Variants in ALX4 observed in about 807,000 individuals in gnomAD.
ALX4 encodes homeobox protein aristaless-like 4.
A neutral mutation model predicts 40.6 loss-of-function variants in ALX4; 22 were observed. The ratio of observed to expected loss-of-function variants is 0.54; its 90% CI spans 0.39 to 0.77. The LOEUF (loss-of-function observed/expected upper bound fraction) is 0.77, where lower values mean the gene tolerates loss of function less well. Among genes scored for constraint, ALX4 ranks in the 30% least tolerant of loss-of-function variants. The pLI, the probability that ALX4 is intolerant of heterozygous loss-of-function variation, is 0.00. For missense variants in ALX4, 556 were observed against 564.8 expected, an observed-to-expected ratio of 0.98 and a Z score of 0.16; for synonymous variants, 266 against 240.5, an observed-to-expected ratio of 1.11 and a Z score of -0.98.
In ALX4 at chr11:44,310,096, A is replaced by AGCGAGGGC; in HGVS notation, c.-42_-35dup. ...TGCGCAGGCGGCGGGCGGGGACGCG[A>AGCGAGGGC]GCGAGGGCGCGAGGACGCCACCGCG... On this transcript the variant is annotated 5_prime_UTR_variant, in exon 1 of 4. Transcript: ENST00000652299. 1.3e-6 allele frequency: 2 copies of AGCGAGGGC among 1,549,526 alleles called. No homozygotes were observed. The highest frequency in any genetic ancestry group is 1.7e-6 in the Non-Finnish European group (2 of 1,145,084).
Position 44,264,741 on chromosome 11 carries a change from C to T in ALX4, c.*113G>A. 1.6e-6 allele frequency: 2 copies of T among 1,238,524 alleles called. No homozygotes were observed. The highest frequency in any genetic ancestry group is 2.2e-6 in the Non-Finnish European group (2 of 889,306). The allele number at this position is 1,238,524 out of a possible 1,614,324, so 76.7% of individuals were successfully genotyped here. A position where few individuals can be genotyped will look rare whatever the true frequency, so the allele number is the denominator to read the frequency against. ...GCGGCTGAAAGTGCTGAGGGTCAGG[C>T]CCCTGGCCCAGGCCAGGTTCCTAAG... is the stretch of plus-strand genomic sequence containing the variant. On this transcript the variant is annotated 3_prime_UTR_variant, in exon 4 of 4. Transcript: ENST00000652299.
chr11:44,299,394 T>C (rs1956422431), intron 1 of ALX4, among the ~76,000 whole-genome samples: 1 of 142,426 alleles, frequency 7.0e-6, no homozygotes. Context: ...TGGATCTTGC[T>C]CTGTCACCCA....
chr11:44,293,222 G>T (rs1034962643), intron 1 of ALX4, among the ~76,000 whole-genome samples: 2 of 150,800 alleles, frequency 1.3e-5, no homozygotes, highest in Non-Finnish European at 3.0e-5. Context: ...GAAGAAAATG[G>T]TTTTTTCATT....
At chr11:44,286,035 G>A (rs1477039211) in intron 1 of ALX4, among the ~76,000 whole-genome samples, 2 of 152,372 alleles carry the variant, frequency 1.3e-5, no homozygotes, top group Middle Eastern at 3.4e-3. Flanking sequence ...GGCTGGGGCA[G>A]CTCTGCAGGC....
In ALX4 at chr11:44,291,849, C is replaced by T. The variant is rs1395419918; in HGVS notation, c.467-16191G>A. ...GTATTTATTTATAGAGACGGAGTCT[C>T]GCTCTGTCACCCAGGCTGGAGTGCA... On this transcript the variant is annotated intron_variant, in intron 1 of 3. Coordinates refer to ENST00000652299, the MANE Select transcript of ALX4 (RefSeq NM_021926.4). 2.0e-5 allele frequency among the ~76,000 whole-genome samples: 3 copies of T among 152,078 alleles called. 1 individual carries two copies. Among genetic ancestry groups the T allele is most frequent in the Middle Eastern group, 6.3e-3 (2 of 316 alleles).
intron 1 of ALX4, among the ~76,000 whole-genome samples, chr11:44,305,017 G>A (rs147423400): frequency 2.0e-4 from 31 of 152,316 alleles, no homozygotes; most frequent in African/African-American, 7.5e-4. Flanking sequence ...CTGCTGTCAG[G>A]AACAAAATGG....
At chr11:44,287,532 G>A (rs774728877) in intron 1 of ALX4, among the ~76,000 whole-genome samples, 14 of 151,750 alleles carry the variant, frequency 9.2e-5, no homozygotes, top group East Asian at 1.9e-4. Context: ...GGAGGCCGAG[G>A]TGGGAGAGTC....
rs1956496591 is a variant in ALX4, at chr11:44,309,831, C to T, written c.232G>A (p.Glu78Lys). 6.4e-7 allele frequency: 1 copy of T among 1,554,560 alleles called. No homozygotes were observed. The highest frequency in any genetic ancestry group is 8.7e-7 in the Non-Finnish European group (1 of 1,148,804). ...GAGCCCCGCGCCCCAGCTCCACTCTCCAGGGGTGTCGCCAGGTCCTGCTGC... is the reference window on the plus strand; with the variant it reads ...GAGCCCCGCGCCCCAGCTCCACTCTTCAGGGGTGTCGCCAGGTCCTGCTGC... ...AGQQDLATPL[E>K]SGAGARGSFN... Residue 78 changes from glutamate (E) to lysine (K), a missense_variant, in exon 1 of 4, where the codon GAG becomes AAG. Transcript: ENST00000652299.
chr11:44,296,476 A>G (rs1189701671), intron 1 of ALX4, among the ~76,000 whole-genome samples: 1 of 152,252 alleles, frequency 6.6e-6, no homozygotes, highest in Non-Finnish European at 1.5e-5. Flanking sequence ...ATCAAAATGT[A>G]AAACTTCTGT....
intron 1 of ALX4, among the ~76,000 whole-genome samples, chr11:44,298,760 G>A (rs1956418100): frequency 1.3e-5 from 2 of 149,410 alleles, no homozygotes; most frequent in Admixed American, 1.3e-4. Context: ...GCTACCCAGA[G>A]CCTCGCTGCT....
chr11:44,309,209 G>GCCCCGCAGCCCCGCAT (rs1956489699), intron 1 of ALX4, among the ~76,000 whole-genome samples: 1 of 150,332 alleles, frequency 6.7e-6, no homozygotes, highest in Non-Finnish European at 1.5e-5. Flanking sequence ...CAGCCCCGCA[G>GCCCCGCAGCCCCGCAT]CCCCGCAGCC....
At chr11:44,300,221 T>C (rs569059766) in intron 1 of ALX4, among the ~76,000 whole-genome samples, 11 of 152,302 alleles carry the variant, frequency 7.2e-5, no homozygotes, top group African/African-American at 2.6e-4. Context: ...TCACCCCTCT[T>C]GGTGAATATC....
chr11:44,279,934 ATT>A (rs1956299301), intron 1 of ALX4, among the ~76,000 whole-genome samples: 1 of 152,170 alleles, frequency 6.6e-6, no homozygotes, highest in Non-Finnish European at 1.5e-5. Context: ...TAAATGAACA[ATT>A]TCTAACTAAC....
At chr11:44,287,582 CAG>C (rs772317882) in intron 1 of ALX4, among the ~76,000 whole-genome samples, 27 of 135,340 alleles carry the variant, frequency 2.0e-4, no homozygotes, top group Non-Finnish European at 3.4e-4. Context: ...GTGACAGAGG[CAG>C]AGACCTGTCT....
At chr11:44,279,843 A>G (rs558284543) in intron 1 of ALX4, among the ~76,000 whole-genome samples, 1 of 152,348 alleles carries the variant, frequency 6.6e-6, no homozygotes, top group African/African-American at 2.4e-5. Context: ...CTGGGACCTC[A>G]TGCCGTTTGT....
At chr11:44,302,170 C>T (rs981367806) in intron 1 of ALX4, among the ~76,000 whole-genome samples, 4 of 152,212 alleles carry the variant, frequency 2.6e-5, no homozygotes, top group Admixed American at 2.6e-4. Flanking sequence ...AGCTCCAGAG[C>T]CGTGCACACG....
intron 1 of ALX4, among the ~76,000 whole-genome samples, chr11:44,294,163 A>G (rs1257377521): frequency 2.0e-5 from 3 of 152,252 alleles, no homozygotes; most frequent in Non-Finnish European, 2.9e-5. Flanking sequence ...ACAGCGGGAC[A>G]GCCTCACCTT....
intron 1 of ALX4, among the ~76,000 whole-genome samples, chr11:44,302,520 C>A (rs1385212204): frequency 2.0e-5 from 3 of 152,210 alleles, no homozygotes; most frequent in Admixed American, 6.5e-5. Context: ...AGCCGTAACA[C>A]AGGAGGCAGG....
chr11:44,295,373 T>C (rs981386059), intron 1 of ALX4, among the ~76,000 whole-genome samples: 12 of 152,194 alleles, frequency 7.9e-5, no homozygotes, highest in Non-Finnish European at 1.3e-4. Context: ...TGTAGCACAA[T>C]TGTGGAATGA....
Sources: gnomAD v4.1 joint callset for allele counts (sites outside exome capture counted in the v4.1 genomes callset) on GRCh38, gnomAD v4.1.1 for gene constraint, MANE v1.5 for transcripts, NCBI Gene and HGNC (gene_info 2026-07-23, HGNC 2026-07-21) for gene names.